Variants in TDRD12 observed in about 807,000 individuals in gnomAD.
The protein encoded by TDRD12 is putative ATP-dependent RNA helicase TDRD12.
TDRD12 carries 158 observed loss-of-function variants against 133.5 expected under a neutral mutation model. The observed-to-expected ratio is 1.18, with a 90% CI of 1.04 to 1.35. TDRD12 has a LOEUF of 1.35. TDRD12 is among the 40% of genes most tolerant of loss of function. The pLI is 0.00. For synonymous variants in TDRD12, 460 were observed against 477.9 expected (o/e 0.96, Z 0.49); for missense variants, 1,443 against 1,321.3 (o/e 1.09, Z -1.43).
intron 1 of TDRD12, among the ~76,000 whole-genome samples, chr19:32,720,883 G>A (rs900977217): frequency 2.8e-5 from 4 of 143,130 alleles, no homozygotes; most frequent in Admixed American, 7.0e-5. Context: ...ACCCGGATGA[G>A]CCCGGGTTTC....
At chr19:32,719,783 G>A in exon 1 of TDRD12, 1 of 535,392 alleles carries the variant, frequency 1.9e-6, no homozygotes, top group Non-Finnish European at 3.4e-6. Context: ...AGCGTGCGCG[G>A]GCATCCGGTG....
At chr19:32,802,628 G>A (rs1350365476) in intron 19 of TDRD12, 28 bp from the exon 20 acceptor site, 1 of 1,533,730 alleles carries the variant, frequency 6.5e-7, no homozygotes, top group Admixed American at 2.0e-5. Context: ...TCCAGCGCGT[G>A]TGACATTGTC....
chr19:32,733,331 G>A lies in TDRD12; in HGVS notation c.183+1448G>A, dbSNP rs113245957. Among the ~76,000 whole-genome samples, 74 of 152,120 alleles carry A rather than the reference G, an allele frequency of 4.9e-4. 1 individual carries two copies. Among genetic ancestry groups the A allele is most frequent in the African/African-American group, 1.7e-3 (72 of 41,514 alleles). On this transcript the variant is annotated intron_variant, in intron 2 of 27. Coordinates refer to ENST00000444215, the Ensembl canonical transcript of TDRD12. ...TAAAAATACAAAAAATTAGCTGGGCGTGGTGGCAGGCACCTGTAATCCCAG... is the reference window on the plus strand; with the variant it reads ...TAAAAATACAAAAAATTAGCTGGGCATGGTGGCAGGCACCTGTAATCCCAG...
At chr19:32,744,416 C>T (rs1009340953) in intron 4 of TDRD12, among the ~76,000 whole-genome samples, 3 of 136,016 alleles carry the variant, frequency 2.2e-5, no homozygotes, top group Non-Finnish European at 3.1e-5. Flanking sequence ...AAGAGAATCG[C>T]TTGAACCCAG....
intron 21 of TDRD12, among the ~76,000 whole-genome samples, chr19:32,805,774 C>A (rs1346926088): frequency 1.4e-5 from 2 of 147,674 alleles, no homozygotes. Flanking sequence ...CTCTGTCACC[C>A]AGGCTGGAGT....
intron 9 of TDRD12, 68 bp from the exon 33 acceptor site, chr19:32,827,096 A>G (rs1599639851): frequency 2.2e-6 from 2 of 906,848 alleles, no homozygotes; most frequent in Admixed American, 4.3e-5. Context: ...ATTGACCCAA[A>G]TAATGGGGGG....
chr19:32,748,409 C>CA (rs763244777), intron 4 of TDRD12, 67 bp from the exon 5 acceptor site: 13 of 1,473,204 alleles, frequency 8.8e-6, no homozygotes, highest in Non-Finnish European at 1.2e-5. Flanking sequence ...GCATGGTTTA[C>CA]AAAATGCTGT....
chr19:32,826,277 A>T (rs563154749), exon 8 of TDRD12: 3 of 1,457,542 alleles, frequency 2.1e-6, no homozygotes, highest in Non-Finnish European at 1.8e-6. Flanking sequence ...TCCAAAAAGA[A>T]GATGTCGTCA....
chr19:32,810,708 A>T (rs1471646930), intron 23 of TDRD12, among the ~76,000 whole-genome samples: 1 of 152,168 alleles, frequency 6.6e-6, no homozygotes, highest in Non-Finnish European at 1.5e-5. Context: ...ACCTGGCACC[A>T]CTTGGTGATA....
intron 11 of TDRD12, among the ~76,000 whole-genome samples, chr19:32,782,788 T>A (rs1478209293): frequency 6.6e-6 from 1 of 152,260 alleles, no homozygotes; most frequent in East Asian, 1.9e-4. Flanking sequence ...TCTGTTCATG[T>A]CCTTTGCCCA....
Position 32,731,736 on chromosome 19 carries a change from AGGTTGCTTCTG to A in TDRD12, c.41_51del (p.Cys14TyrfsTer6). The stretch of plus-strand genomic sequence containing the variant: ...TAAAAAATTTACAGATTGAAGATCC[AGGTTGCTTCTG>A]GGTTATTATAAAAGGGTGTAGTCCC... On this transcript the variant is annotated frameshift_variant, in exon 2 of 28. Coordinates refer to ENST00000444215, the Ensembl canonical transcript of TDRD12. LOFTEE classifies it high-confidence loss of function. The A allele has an allele frequency of 6.5e-7, 1 of 1,535,872 alleles. No individual in the cohort carries two copies. Among genetic ancestry groups the A allele is most frequent in the Non-Finnish European group, 8.8e-7 (1 of 1,142,574 alleles).
At chr19:32,777,213 A>C in exon 11 of TDRD12, 1 of 1,541,208 alleles carries the variant, frequency 6.5e-7, no homozygotes, top group Non-Finnish European at 8.7e-7. Flanking sequence ...ATATGATGAG[A>C]AGAATAGCTG....
intron 26 of TDRD12, among the ~76,000 whole-genome samples, chr19:32,817,422 G>C (rs566042264): frequency 6.6e-6 from 1 of 152,058 alleles, no homozygotes; most frequent in African/African-American, 2.4e-5. Flanking sequence ...AGGTCCACAC[G>C]TGTTGCAGCC....
intron 1 of TDRD12, among the ~76,000 whole-genome samples, chr19:32,726,995 T>C (rs1968883908): frequency 6.6e-6 from 1 of 152,188 alleles, no homozygotes; most frequent in Non-Finnish European, 1.5e-5. Flanking sequence ...AGTTTTAATT[T>C]TTTGAGGAGC....
At position 32,826,758 on chromosome 19, in the gene TDRD12, T is replaced by C; in HGVS notation, c.1049+160T>C. ...CAGCCACTTCCCCAAGGGTAAGGCA[T>C]AGAGCGCCCACTCTCCGAGGGGTTG... On this transcript the variant is annotated intron_variant, in intron 9 of 9. Coordinates refer to the TDRD12 transcript ENST00000637289. 8.1e-7 allele frequency: 1 copy of C among 1,231,570 alleles called. No homozygotes were observed. The allele number at this position is 1,231,570 out of a possible 1,614,324, so 76.3% of individuals were successfully genotyped here.
intron 1 of TDRD12, among the ~76,000 whole-genome samples, chr19:32,728,403 T>C (rs941542379): frequency 6.6e-6 from 1 of 152,218 alleles, no homozygotes; most frequent in African/African-American, 2.4e-5. Context: ...GTGGGATGTC[T>C]TTCCATTTAT....
At chr19:32,764,672 A>G (rs1049915687) in intron 8 of TDRD12, among the ~76,000 whole-genome samples, 4 of 152,152 alleles carry the variant, frequency 2.6e-5, no homozygotes, top group African/African-American at 9.7e-5. Context: ...TTTTCCATTA[A>G]CTGTTCTGGC....
intron 24 of TDRD12, among the ~76,000 whole-genome samples, chr19:32,812,055 G>C (rs1356994616): frequency 6.6e-6 from 1 of 152,212 alleles, no homozygotes; most frequent in Non-Finnish European, 1.5e-5. Flanking sequence ...TCTGGGCTTC[G>C]TGGGGTAACT....
intron 6 of TDRD12, among the ~76,000 whole-genome samples, chr19:32,754,730 G>A (rs1161077071): frequency 7.5e-6 from 1 of 134,184 alleles, no homozygotes; most frequent in Non-Finnish European, 1.5e-5. Context: ...AGGCTAGAGT[G>A]CAATGGCGCA....
Sources: gnomAD v4.1 joint callset for allele counts (sites outside exome capture counted in the v4.1 genomes callset) on GRCh38, gnomAD v4.1.1 for gene constraint, MANE v1.5 for transcripts, NCBI Gene and HGNC (gene_info 2026-07-23, HGNC 2026-07-21) for gene names.